The following NLGN1 variants were observed in gnomAD, a reference collection of about 807,000 sequenced individuals.
NLGN1 encodes neuroligin 1, also known as neuroligin-1.
NLGN1 carries 12 observed loss-of-function variants against 65.5 expected under a neutral mutation model. That is an observed-to-expected ratio of 0.18 (90% CI 0.12 to 0.30). NLGN1 has a LOEUF of 0.30. NLGN1 is among the 10% of genes least tolerant of loss of function. The pLI, the probability that NLGN1 is intolerant of heterozygous loss-of-function variation, is 1.00. For synonymous variants in NLGN1, 350 were observed against 359.5 expected (o/e 0.97, Z 0.30); for missense variants, 750 against 1,007.1 (o/e 0.74, Z 3.46).
At chr3:174,070,993 T>G (rs557255750) in intron 4 of NLGN1, among the ~76,000 whole-genome samples, 1 of 152,176 alleles carries the variant, frequency 6.6e-6, no homozygotes, top group East Asian at 1.9e-4. Flanking sequence ...AGGTCAAGGC[T>G]GCAATGAGTC....
chr3:173,941,525 A>C (rs899779085), intron 4 of NLGN1, among the ~76,000 whole-genome samples: 1 of 152,012 alleles, frequency 6.6e-6, no homozygotes, highest in South Asian at 2.1e-4. Flanking sequence ...CAAAAGGTTG[A>C]CTGGATTTGA....
At chr3:173,711,179 A>G (rs370742413) in intron 3 of NLGN1, among the ~76,000 whole-genome samples, 14 of 152,340 alleles carry the variant, frequency 9.2e-5, no homozygotes, top group Admixed American at 7.2e-4. Context: ...ATGGGTACAT[A>G]GTTTTGTTAA....
intron 4 of NLGN1, among the ~76,000 whole-genome samples, chr3:173,856,856 T>A (rs766529004): frequency 1.3e-5 from 2 of 151,930 alleles, no homozygotes; most frequent in African/African-American, 2.4e-5. Flanking sequence ...TTTATGAGAC[T>A]CAGTACAGAA....
chr3:174,109,927 A>T (rs1253196989), intron 4 of NLGN1, among the ~76,000 whole-genome samples: 1 of 152,098 alleles, frequency 6.6e-6, no homozygotes, highest in African/African-American at 2.4e-5. Context: ...TCAATTGAAA[A>T]GGAGCCAATG....
chr3:173,708,148 T>A (rs569762364), intron 3 of NLGN1, among the ~76,000 whole-genome samples: 1 of 152,318 alleles, frequency 6.6e-6, no homozygotes, highest in East Asian at 1.9e-4. Context: ...CCTAACGTTT[T>A]GTGGGGCATG....
Position 174,280,501 on chromosome 3 carries a change from C to G in NLGN1, c.1670C>G (p.Pro557Arg). The stretch of plus-strand genomic sequence containing the variant: ...CTTAGTGACCCAAATCAACCAGTCC[C>G]TCAAGACACGAAATTCATTCATACC... The change falls in exon 7 of 7, where the codon CCT becomes CGT. Residue 557 changes from proline to arginine, a missense_variant. Pro to Arg is a moderately radical substitution (Grantham distance 103, BLOSUM62 -2). Coordinates refer to ENST00000457714, the Ensembl canonical transcript of NLGN1. This position sits in a 1 kb window ranked among gnomAD's most constrained non-coding sequence, Gnocchi z 4.9. 2 of 1,610,192 alleles carry G rather than the reference C, an allele frequency of 1.2e-6. No individual in the cohort carries two copies. Among genetic ancestry groups the G allele is most frequent in the Admixed American group, 1.7e-5 (1 of 59,554 alleles).
At chr3:173,616,146 G>A (rs1007516325) in intron 3 of NLGN1, among the ~76,000 whole-genome samples, 2 of 152,170 alleles carry the variant, frequency 1.3e-5, no homozygotes, top group African/African-American at 2.4e-5. Flanking sequence ...GAGCACTCAC[G>A]GATAAATACT....
chr3:173,664,971 C>T (rs1176227951), intron 3 of NLGN1, among the ~76,000 whole-genome samples: 1 of 152,016 alleles, frequency 6.6e-6, no homozygotes, highest in Non-Finnish European at 1.5e-5. Context: ...TTTCTGAGCT[C>T]ATAATATATT....
chr3:174,081,215 A>T (rs1433611128), intron 4 of NLGN1, among the ~76,000 whole-genome samples: 1 of 152,228 alleles, frequency 6.6e-6, no homozygotes, highest in East Asian at 1.9e-4. Flanking sequence ...GGAGAGAAAG[A>T]CACATATTAT....
At chr3:173,790,270 A>C (rs1476554176) in intron 3 of NLGN1, among the ~76,000 whole-genome samples, 2 of 151,922 alleles carry the variant, frequency 1.3e-5, no homozygotes, top group Non-Finnish European at 2.9e-5. Flanking sequence ...ATTCTCCCTA[A>C]AGTAGTTGCA....
chr3:174,278,979 T>C (rs1195669894), exon 6 of NLGN1: 1 of 1,571,750 alleles, frequency 6.4e-7, no homozygotes, highest in South Asian at 1.2e-5. Context: ...ATGTTTCAGA[T>C]ACAGTAGAGT....
In NLGN1 at chr3:174,185,343, T is replaced by C. The variant is rs562209017; in HGVS notation, c.647-89972T>C. ...TGACCAACAGAACTTTCTGTGATTATAGAAATATAATATCTGCACTGTCCA... is the reference window on the plus strand; with the variant it reads ...TGACCAACAGAACTTTCTGTGATTACAGAAATATAATATCTGCACTGTCCA... On this transcript the variant is annotated intron_variant, in intron 4 of 6. Coordinates refer to ENST00000457714, the Ensembl canonical transcript of NLGN1. Among the ~76,000 whole-genome samples, 8 of 152,280 alleles carry C rather than the reference T, an allele frequency of 5.3e-5. No homozygotes were observed. The East Asian group carries it at 1.4e-3, about 26-fold the overall frequency.
chr3:174,270,437 A>G (rs56797715), intron 4 of NLGN1, among the ~76,000 whole-genome samples: 4,362 of 151,902 alleles, frequency 0.029, 204 homozygotes, highest in African/African-American at 0.1. Context: ...ACCTTTGTCA[A>G]GAATCATTTG....
intron 3 of NLGN1, among the ~76,000 whole-genome samples, chr3:173,624,969 T>G (rs1754599143): frequency 1.3e-5 from 2 of 152,118 alleles, no homozygotes; most frequent in Non-Finnish European, 2.9e-5. Context: ...TGACAGTGAT[T>G]TCATCCATGT....
At chr3:173,683,531 G>A (rs1051165910) in intron 3 of NLGN1, among the ~76,000 whole-genome samples, 4 of 151,986 alleles carry the variant, frequency 2.6e-5, no homozygotes, top group Admixed American at 2.6e-4. Context: ...CTGGATTTGA[G>A]GTAGTAACTC....
chr3:173,476,554 C>A (rs1451259735), intron 2 of NLGN1, among the ~76,000 whole-genome samples: 1 of 151,980 alleles, frequency 6.6e-6, no homozygotes. Flanking sequence ...GAATATAGAG[C>A]GTTTGGGGAA....
chr3:174,264,481 C>T (rs1306603065), intron 4 of NLGN1, among the ~76,000 whole-genome samples: 10 of 150,592 alleles, frequency 6.6e-5, no homozygotes, highest in African/African-American at 1.7e-4. Flanking sequence ...GCATCGGCTC[C>T]TGAGGCTTCT....
intron 4 of NLGN1, among the ~76,000 whole-genome samples, chr3:174,045,472 G>A (rs914483172): frequency 6.6e-6 from 1 of 152,056 alleles, no homozygotes; most frequent in Non-Finnish European, 1.5e-5. Context: ...TTCCCAGGAG[G>A]CCTCTCCTGC....
Position 173,625,139 on chromosome 3 carries a change from G to A in NLGN1, c.493+20048G>A, listed in dbSNP as rs554391420. ...GCTGAGTTTGAGTCATCAAGGAACT[G>A]GGGATACCACTGTCAGAAGTCCCAC... On this transcript the variant is annotated intron_variant, in intron 3 of 6. Coordinates refer to ENST00000457714, the Ensembl canonical transcript of NLGN1. Among the ~76,000 whole-genome samples the A allele has an allele frequency of 9.9e-5, 15 of 152,220 alleles. No individual in the cohort carries two copies. The South Asian group carries it at 2.1e-3, about 21-fold the overall frequency.
Sources: allele counts gnomAD v4.1 joint callset (sites outside exome capture counted in the v4.1 genomes callset), GRCh38; gene constraint gnomAD v4.1.1; non-coding constraint Gnocchi (gnomAD v3.1); transcripts MANE v1.5; gene names NCBI Gene and HGNC (gene_info 2026-07-23, HGNC 2026-07-21).